The following EPHA4 variants were observed in gnomAD, a reference collection of about 807,000 sequenced individuals.
EPHA4 encodes EPH receptor A4, also known as ephrin type-A receptor 4.
In EPHA4, 19 loss-of-function variants were observed where a neutral mutation model predicts 108.3. That is an observed-to-expected ratio of 0.18 (90% CI 0.12 to 0.26). The LOEUF is 0.26. Ranked by LOEUF, EPHA4 falls within the 10% of genes least tolerant of loss-of-function variation. EPHA4 has a pLI of 1.00. For synonymous variants in EPHA4, 449 were observed against 455.5 expected (o/e 0.99, Z 0.18); for missense variants, 917 against 1,254.0 (o/e 0.73, Z 4.06).
intron 3 of EPHA4, among the ~76,000 whole-genome samples, chr2:221,526,673 C>A (rs1486480982): frequency 2.6e-5 from 4 of 151,702 alleles, no homozygotes; most frequent in East Asian, 1.9e-4. Context: ...TTGGTGAAAC[C>A]CGCTCTCTAC....
intron 4 of EPHA4, among the ~76,000 whole-genome samples, chr2:221,500,565 G>A (rs1692458338): frequency 6.6e-6 from 1 of 152,182 alleles, no homozygotes; most frequent in African/African-American, 2.4e-5. Context: ...ACAAAACTAT[G>A]AGTAGAGAAG....
intron 11 of EPHA4, among the ~76,000 whole-genome samples, chr2:221,442,243 G>A (rs537106935): frequency 6.6e-6 from 1 of 152,332 alleles, no homozygotes. Flanking sequence ...TTCACAAAAT[G>A]CATCTGTTGA....
chr2:221,477,551 G>A (rs141302239), intron 5 of EPHA4, among the ~76,000 whole-genome samples: 1 of 152,112 alleles, frequency 6.6e-6, no homozygotes, highest in Admixed American at 6.6e-5. Flanking sequence ...TTGCCCATTA[G>A]GGGTAGGAGC....
chr2:221,497,563 A>T (rs766607287), intron 4 of EPHA4, among the ~76,000 whole-genome samples: 6 of 151,910 alleles, frequency 3.9e-5, no homozygotes, highest in Non-Finnish European at 8.8e-5. Context: ...ATAGGGTGAA[A>T]CTCTGTCTCT....
chr2:221,474,395 T>C (rs1050796465), intron 5 of EPHA4, among the ~76,000 whole-genome samples: 2 of 146,418 alleles, frequency 1.4e-5, no homozygotes, highest in Admixed American at 6.9e-5. Flanking sequence ...CTTCTCAGTA[T>C]AAGGTTAGAA....
intron 3 of EPHA4, among the ~76,000 whole-genome samples, chr2:221,562,211 T>TG: frequency 6.6e-6 from 1 of 152,112 alleles, no homozygotes; most frequent in African/African-American, 2.4e-5. Flanking sequence ...CATTTCCTTT[T>TG]TTTTTTTTTG....
chr2:221,461,197 C>T (rs1691126922), intron 5 of EPHA4, among the ~76,000 whole-genome samples: 1 of 152,186 alleles, frequency 6.6e-6, no homozygotes, highest in African/African-American at 2.4e-5. Flanking sequence ...ATACTGTACA[C>T]AGGGCAATTC....
Position 221,484,298 on chromosome 2 carries a change from G to A in EPHA4, c.980-1608C>T, listed in dbSNP as rs575536199. Among the ~76,000 whole-genome samples, 106 of 152,148 alleles carry A rather than the reference G, an allele frequency of 7.0e-4. 1 individual carries two copies. The highest frequency in any genetic ancestry group is 2.5e-3 in the African/African-American group (104 of 41,498). ...ATTAATGGCCAATTATTTTTTAGTGGTAACATTTAATAAGGGTAATTCACT... is the reference window on the plus strand; with the variant it reads ...ATTAATGGCCAATTATTTTTTAGTGATAACATTTAATAAGGGTAATTCACT... On this transcript the variant is annotated intron_variant, in intron 4 of 17. Transcript: ENST00000281821.
intron 3 of EPHA4, among the ~76,000 whole-genome samples, chr2:221,559,762 T>C (rs1163860082): frequency 6.6e-6 from 1 of 152,162 alleles, no homozygotes; most frequent in Non-Finnish European, 1.5e-5. Flanking sequence ...CAGGACTAAC[T>C]AGAATCATTA....
rs556418980 is a variant in EPHA4 at position 221,470,334 on chromosome 2, C to CG, written c.1318+12017dup. Among the ~76,000 whole-genome samples the CG allele has an allele frequency of 5.4e-3, 636 of 117,814 alleles. 3 individuals are homozygous for CG. Among genetic ancestry groups the CG allele is most frequent in the African/African-American group, 0.02 (602 of 30,702 alleles). The allele number at this position is 117,814 out of a possible 152,430, so 77.3% of individuals were successfully genotyped here. A position where few individuals can be genotyped will look rare whatever the true frequency, so the allele number is the denominator to read the frequency against. ...GGGAGAGAGACAGAGAGAGAAAGGG[C>CG]GGGGGGGAGAGAGAGAGAGAGAGAG... On this transcript the variant is annotated intron_variant, in intron 5 of 17. Transcript: ENST00000281821.
chr2:221,436,589 G>A lies in EPHA4; in HGVS notation c.2156C>T (p.Thr719Ile), dbSNP rs962061446. The A allele has an allele frequency of 6.2e-7, 1 of 1,614,084 alleles. No individual in the cohort carries two copies. Among genetic ancestry groups the A allele is most frequent in the Non-Finnish European group, 8.5e-7 (1 of 1,180,018 alleles). ...AAGCATGCCCACCAGCTGAATGACT[G>A]TAAATCTGCCATCATTTTTCTGCAT... ...AFLRKNDGRF[T>I]VIQLVGMLRG... The change falls in exon 13 of 18, where the codon ACA becomes ATA. Residue 719 changes from threonine (T) to isoleucine (I), a missense_variant. By Grantham distance (89) the Thr-to-Ile change is moderately conservative (BLOSUM62 -1). This residue lies in a region of EPHA4 where 758 missense variants were observed against 1,076.7 expected (regional missense o/e 0.70). Transcript: ENST00000281821.
intron 3 of EPHA4, among the ~76,000 whole-genome samples, chr2:221,525,004 C>G (rs1693278550): frequency 6.6e-6 from 1 of 151,218 alleles, no homozygotes; most frequent in Admixed American, 6.6e-5. Context: ...AAAAAAGAGG[C>G]AATTTTTATA....
At chr2:221,546,508 TTATTA>T (rs1559288344) in intron 3 of EPHA4, among the ~76,000 whole-genome samples, 1 of 151,984 alleles carries the variant, frequency 6.6e-6, no homozygotes, top group Non-Finnish European at 1.5e-5. Context: ...CATCTGATAT[TTATTA>T]TATATTTTAT....
chr2:221,475,322 G>A (rs1691622167), intron 5 of EPHA4, among the ~76,000 whole-genome samples: 1 of 152,204 alleles, frequency 6.6e-6, no homozygotes, highest in African/African-American at 2.4e-5. Flanking sequence ...GAAAAAATTT[G>A]TGGTTCAAGA....
rs367939994 is a variant in EPHA4, at chr2:221,537,324, C to T, written c.823+26407G>A. Among the ~76,000 whole-genome samples, 71 of 152,320 alleles carry T rather than the reference C, an allele frequency of 4.7e-4. 2 individuals carry two copies. The South Asian group carries it at 0.015, about 32-fold the overall frequency. ...CACTCAAAGCAATTTAAAAGTCACT[C>T]CTAAAAATAGTCTGTTACTTTGCAA... On this transcript the variant is annotated intron_variant, in intron 3 of 17. Transcript: ENST00000281821.
At chr2:221,535,170 A>G (rs1468977679) in intron 3 of EPHA4, among the ~76,000 whole-genome samples, 1 of 152,212 alleles carries the variant, frequency 6.6e-6, no homozygotes, top group Non-Finnish European at 1.5e-5. Context: ...TGTGGGCAAT[A>G]CACAAGTTTA....
chr2:221,501,202 T>C (rs760454657), intron 3 of EPHA4, 30 bp from the exon 4 acceptor site: 3 of 1,542,392 alleles, frequency 1.9e-6, no homozygotes, highest in East Asian at 2.3e-5. Context: ...AACAAACAAA[T>C]AGAAACCACT....
chr2:221,565,362 T>G (rs998153700), intron 2 of EPHA4, among the ~76,000 whole-genome samples: 1 of 152,184 alleles, frequency 6.6e-6, no homozygotes, highest in African/African-American at 2.4e-5. Flanking sequence ...CAGCAAAACT[T>G]TTGGGACTCC....
chr2:221,530,017 G>A (rs1693458483), intron 3 of EPHA4, among the ~76,000 whole-genome samples: 1 of 152,142 alleles, frequency 6.6e-6, no homozygotes, highest in East Asian at 1.9e-4. Flanking sequence ...TATGTTAACC[G>A]AATATCCAAA....
Sources: gnomAD v4.1 joint callset for allele counts (sites outside exome capture counted in the v4.1 genomes callset) on GRCh38, gnomAD v4.1.1 for gene constraint, gnomAD v4.1.1 regional missense constraint, MANE v1.5 for transcripts, NCBI Gene and HGNC (gene_info 2026-07-23, HGNC 2026-07-21) for gene names.